The following QRICH1 variants were observed in gnomAD, a reference collection of about 807,000 sequenced individuals.
QRICH1 encodes the protein transcriptional regulator QRICH1.
In QRICH1, 16 loss-of-function variants were observed where a neutral mutation model predicts 87.1. That is an observed-to-expected ratio of 0.18 (90% CI 0.12 to 0.28). The LOEUF (loss-of-function observed/expected upper bound fraction) is 0.28. Ranked by LOEUF, QRICH1 falls within the 10% of genes least tolerant of loss-of-function variation. The probability of loss-of-function intolerance (pLI) is 1.00; values close to 1 mark genes in which losing one functional copy is unlikely to be tolerated. For missense variants in QRICH1, 647 were observed against 951.7 expected (o/e 0.68, Z 4.21); for synonymous variants, 367 against 368.4 (o/e 1.00, Z 0.05).
intron 1 of QRICH1, chr3:49,083,241 T>A (rs2042102675): frequency 1.4e-5 from 2 of 140,212 alleles, no homozygotes; most frequent in Non-Finnish European, 3.1e-5. Context: ...GAGCCTGGGA[T>A]GATGGTGCAT....
Position 49,030,991 on chromosome 3 carries a change from CT to C in QRICH1, c.2139-348del, listed in dbSNP as rs1162254467. Among the ~76,000 whole-genome samples the C allele has an allele frequency of 6.8e-3, 901 of 132,442 alleles. 4 individuals carry two copies. The highest frequency in any genetic ancestry group is 0.015 in the African/African-American group (528 of 35,856). The allele number at this position is 132,442 out of a possible 152,430, so 86.9% of individuals were successfully genotyped here. A position where few individuals can be genotyped will look rare whatever the true frequency, so the allele number is the denominator to read the frequency against. On this transcript the variant is annotated intron_variant, in intron 9 of 9. Coordinates refer to ENST00000395443, the MANE Select transcript of QRICH1 (RefSeq NM_198880.3). ...AAGCGTCTATCTCCAAGTCTTTGCG[CT>C]TTTTTTTTTTTTTTTTTTGAGATGG...
intron 2 of QRICH1, among the ~76,000 whole-genome samples, chr3:49,063,813 C>T (rs1050539047): frequency 6.6e-6 from 1 of 151,872 alleles, no homozygotes; most frequent in Non-Finnish European, 1.5e-5. Flanking sequence ...TGAATTTGGC[C>T]AAAAAATATT....
intron 3 of QRICH1, among the ~76,000 whole-genome samples, chr3:49,054,975 A>G (rs2093392352): frequency 6.6e-6 from 1 of 152,214 alleles, no homozygotes; most frequent in African/African-American, 2.4e-5. Context: ...TAGAATTTCT[A>G]AATTCCCAGT....
At chr3:49,049,746 C>A (rs1017190554) in intron 3 of QRICH1, among the ~76,000 whole-genome samples, 24 of 151,734 alleles carry the variant, frequency 1.6e-4, no homozygotes, top group African/African-American at 5.8e-4. Flanking sequence ...GATCCGTCTG[C>A]CTTGGCCTCC....
rs752635726 is a variant in QRICH1, at chr3:49,057,398, C to T, written c.802G>A (p.Val268Met). 6 of 1,614,042 alleles carry T rather than the reference C, an allele frequency of 3.7e-6. No individual in the cohort carries two copies. Among genetic ancestry groups the T allele is most frequent in the East Asian group, 2.2e-5 (1 of 44,880 alleles). The change falls in exon 3 of 10, where the codon GTG becomes ATG. Residue 268 changes from valine (V) to methionine (M), a missense_variant. By Grantham distance (21) the Val-to-Met change is conservative. This residue lies in a region of QRICH1 where 75 missense variants were observed against 141.0 expected (regional missense o/e 0.53). Coordinates refer to ENST00000395443, the MANE Select transcript of QRICH1 (RefSeq NM_198880.3). The surrounding 1 kb of genome is among the most constrained non-coding windows in gnomAD (Gnocchi z 5.4). ...YAISGQPVAT[V>M]LAIPQGQQQS... ...TGCTGGCCCTGTGGAATGGCCAGCA[C>T]GGTGGCCACCGGCTGCCCTGAGATG...
At chr3:49,044,048 CCTGT>C (rs1273820803) in intron 6 of QRICH1, among the ~76,000 whole-genome samples, 2 of 152,116 alleles carry the variant, frequency 1.3e-5, no homozygotes, top group African/African-American at 4.8e-5. Context: ...CAGAAGGCTG[CCTGT>C]GAGTAAAGCA....
chr3:49,087,211 C>T (rs770399390), intron 1 of QRICH1: 3 of 152,254 alleles, frequency 2.0e-5, no homozygotes, highest in East Asian at 3.9e-4. Context: ...GAGCCGAGAT[C>T]GCGCCACTGC....
chr3:49,076,885 A>G lies in QRICH1; in HGVS notation c.133T>C (p.Phe45Leu). 6.2e-7 allele frequency: 1 copy of G among 1,612,544 alleles called. No homozygotes were observed. Among genetic ancestry groups the G allele is most frequent in the Non-Finnish European group, 8.5e-7 (1 of 1,179,338 alleles). ...ATGGTAGTGGTGGCTGTCTGCTGGA[A>G]CTCCTGAAGGGCTTCTGGCCCCTTA... is the stretch of plus-strand genomic sequence containing the variant. ...ASKGPEALQEFQQTATTTMVY... is the reference protein window; with the variant it reads ...ASKGPEALQELQQTATTTMVY... Residue 45 changes from phenylalanine (F) to leucine (L), a missense_variant, in exon 2 of 10, where the codon TTC (phenylalanine) becomes CTC (leucine). Physicochemically the swap from Phe to Leu is conservative, Grantham distance 22. This residue lies in a region of QRICH1 where 56 missense variants were observed against 109.6 expected (regional missense o/e 0.51). Coordinates refer to ENST00000395443, the MANE Select transcript of QRICH1 (RefSeq NM_198880.3).
At chr3:49,092,999 G>A (rs983882700) in intron 1 of QRICH1, among the ~76,000 whole-genome samples, 2 of 152,216 alleles carry the variant, frequency 1.3e-5, no homozygotes, top group South Asian at 2.1e-4. Flanking sequence ...AGAGCTCGGA[G>A]TTCACATGGG....
intron 1 of QRICH1, among the ~76,000 whole-genome samples, chr3:49,086,178 T>C (rs1445395712): frequency 6.6e-6 from 1 of 151,436 alleles, no homozygotes; most frequent in Admixed American, 6.6e-5. Flanking sequence ...CAGCCCTCCC[T>C]TAAACAGACC....
chr3:49,062,202 A>G (rs2093438929), intron 2 of QRICH1, among the ~76,000 whole-genome samples: 1 of 151,848 alleles, frequency 6.6e-6, no homozygotes, highest in African/African-American at 2.4e-5. Context: ...GGGCGTGGTT[A>G]CACATGCTTG....
At chr3:49,035,923 A>AAC (rs1280726429) in intron 6 of QRICH1, among the ~76,000 whole-genome samples, 2 of 19,670 alleles carry the variant, frequency 1.0e-4, no homozygotes, top group South Asian at 9.6e-3. Flanking sequence ...AAAAAAAAAA[A>AAC]AAAAACAAAA....
chr3:49,051,961 T>C (rs904110664), intron 3 of QRICH1, among the ~76,000 whole-genome samples: 9 of 152,246 alleles, frequency 5.9e-5, no homozygotes, highest in Admixed American at 4.6e-4. Flanking sequence ...GGTTGAAAGC[T>C]ACTCATACAG....
intron 2 of QRICH1, among the ~76,000 whole-genome samples, chr3:49,070,663 G>A (rs2093495382): frequency 6.6e-6 from 1 of 152,000 alleles, no homozygotes; most frequent in Non-Finnish European, 1.5e-5. Context: ...TCAAACTCCT[G>A]GGCTCAAGTC....
chr3:49,087,956 ATT>A (rs1338742200), intron 1 of QRICH1, among the ~76,000 whole-genome samples: 3 of 137,950 alleles, frequency 2.2e-5, no homozygotes, highest in Non-Finnish European at 3.2e-5. Flanking sequence ...TATTTCATTT[ATT>A]TTTTTTTTTT....
chr3:49,036,564 T>C (rs1441029475), intron 6 of QRICH1, among the ~76,000 whole-genome samples: 1 of 152,152 alleles, frequency 6.6e-6, no homozygotes, highest in African/African-American at 2.4e-5. Context: ...CTGAATCTCA[T>C]TAAATACGTT....
intron 3 of QRICH1, among the ~76,000 whole-genome samples, chr3:49,051,307 CAAT>C (rs1187638067): frequency 6.6e-6 from 1 of 152,180 alleles, no homozygotes; most frequent in Non-Finnish European, 1.5e-5. Context: ...GCACATCCAA[CAAT>C]GTCACTCACA....
intron 9 of QRICH1, among the ~76,000 whole-genome samples, chr3:49,031,809 T>C (rs547885343): frequency 4.3e-4 from 66 of 152,222 alleles, no homozygotes; most frequent in Admixed American, 1.6e-3. Flanking sequence ...TGAGAAACCA[T>C]TGAAGGGGCA....
At chr3:49,078,243 G>A (rs1347545271) in intron 1 of QRICH1, among the ~76,000 whole-genome samples, 5 of 152,134 alleles carry the variant, frequency 3.3e-5, no homozygotes, top group South Asian at 2.1e-4. Flanking sequence ...GTGGGTAAAC[G>A]TCTCCTTTCT....
Sources: allele counts gnomAD v4.1 joint callset (sites outside exome capture counted in the v4.1 genomes callset), GRCh38; gene constraint gnomAD v4.1.1; regional missense constraint gnomAD v4.1.1; non-coding constraint Gnocchi (gnomAD v3.1); transcripts MANE v1.5; gene names NCBI Gene and HGNC (gene_info 2026-07-23, HGNC 2026-07-21).